The following CSK variants were observed in gnomAD, a reference collection of about 807,000 sequenced individuals.
CSK encodes tyrosine-protein kinase CSK.
In CSK, 7 loss-of-function variants were observed where a neutral mutation model predicts 62.3. The observed-to-expected ratio is 0.11, with a 90% CI of 0.06 to 0.21. CSK has a LOEUF of 0.21. Among genes scored for constraint, CSK ranks in the 10% least tolerant of loss-of-function variants. The pLI is 1.00. For missense variants in CSK, 294 were observed against 613.5 expected (o/e 0.48, Z 5.50); for synonymous variants, 237 against 246.0 (o/e 0.96, Z 0.34).
intron 1 of CSK, among the ~76,000 whole-genome samples, chr15:74,797,583 G>A (rs2063726459): frequency 6.6e-6 from 1 of 152,188 alleles, no homozygotes; most frequent in South Asian, 2.1e-4. Context: ...TTGTGTTGGA[G>A]TTTATTTAAT....
intron 1 of CSK, among the ~76,000 whole-genome samples, chr15:74,796,679 A>G (rs909116184): frequency 3.3e-5 from 5 of 152,078 alleles, no homozygotes; most frequent in South Asian, 2.1e-4. Context: ...TCAAGTGTGC[A>G]CTATACACCA....
intron 5 of CSK, 103 bp from the exon 6 acceptor site, chr15:74,800,309 C>G: frequency 4.1e-6 from 4 of 975,688 alleles, no homozygotes; most frequent in Non-Finnish European, 6.4e-6. Flanking sequence ...TGACTCCAGG[C>G]TAGGCGGGGC....
rs772888660 is a variant in CSK at position 74,800,477 on chromosome 15, A to G, written c.528A>G (p.Thr176=). Residue 176 remains threonine, a synonymous_variant, in exon 6 of 13, where the codon ACA becomes ACG. Coordinates refer to ENST00000220003, the MANE Select transcript of CSK (RefSeq NM_004383.3). ...TTAAACCAAAGGTCATGGAGGGCAC[A>G]GTGGCGGCCCAGGATGAGTTCTACC... ...RLIKPKVMEG[T]VAAQDEFYRS... is the part of the protein sequence containing the mutation. 9.9e-6 allele frequency: 16 copies of G among 1,613,978 alleles called. No homozygotes were observed. The East Asian group carries it at 1.6e-4, about 16-fold the overall frequency.
chr15:74,802,204 G>T, intron 12 of CSK, 121 bp downstream of exon 12: 1 of 1,393,146 alleles, frequency 7.2e-7, no homozygotes. Flanking sequence ...CTGCCCTGGG[G>T]AGCTCACAGG....
chr15:74,789,086 T>C (rs551138349), intron 1 of CSK, among the ~76,000 whole-genome samples: 1 of 152,282 alleles, frequency 6.6e-6, no homozygotes, highest in East Asian at 1.9e-4. Context: ...CCCAAACCAC[T>C]AGACGGGATT....
chr15:74,786,013 T>TTTTTTTTTTTTTTC, intron 1 of CSK, among the ~76,000 whole-genome samples: 1 of 47,816 alleles, frequency 2.1e-5, no homozygotes, highest in East Asian at 4.3e-4. Flanking sequence ...TTTTTTTTTT[T>TTTTTTTTTTTTTTC]TGTGTGTGTG....
intron 1 of CSK, among the ~76,000 whole-genome samples, chr15:74,785,993 T>C (rs2063510442): frequency 1.2e-5 from 1 of 85,302 alleles, no homozygotes; most frequent in Non-Finnish European, 3.0e-5. Flanking sequence ...CTTCTCTCTC[T>C]CTCTCTCTCT....
chr15:74,784,126 T>C (rs2063481010), intron 1 of CSK, among the ~76,000 whole-genome samples: 1 of 152,228 alleles, frequency 6.6e-6, no homozygotes, highest in South Asian at 2.1e-4. Context: ...GGCATTGCCC[T>C]GGTGGGTGCT....
At chr15:74,786,002 C>CTTTTTTTTT (rs536939856) in intron 1 of CSK, among the ~76,000 whole-genome samples, 1,395 of 73,292 alleles carry the variant, frequency 0.019, 195 homozygotes, top group South Asian at 0.17. Flanking sequence ...CTCTCTCTCT[C>CTTTTTTTTT]TTTTTTTTTT....
chr15:74,799,069 C>T (rs1020690196), intron 4 of CSK, 131 bp downstream of exon 4: 26 of 991,604 alleles, frequency 2.6e-5, no homozygotes, highest in Non-Finnish European at 3.5e-5. Flanking sequence ...GTGCAGGGTG[C>T]GGGTGCGGGA....
Position 74,798,319 on chromosome 15 carries a change from C to G in CSK, c.15+7C>G. The stretch of plus-strand genomic sequence containing the variant: ...GAAGATGTCAGCAATACAGGTACCA[C>G]AGGGGTGAGGGTCTGGGACATGCAA... On this transcript the variant is annotated splice_region_variant and intron_variant, in intron 2 of 12. Transcript: ENST00000220003. This position sits in a 1 kb window ranked among gnomAD's most constrained non-coding sequence, Gnocchi z 6.6. The G allele has an allele frequency of 6.3e-7, 1 of 1,586,226 alleles. No individual in the cohort carries two copies. The highest frequency in any genetic ancestry group is 2.2e-5 in the East Asian group (1 of 44,570).
rs34009660 is a variant in CSK at position 74,801,007 on chromosome 15, C to T, written c.723-5C>T. 9.1e-3 allele frequency: 14,700 copies of T among 1,613,140 alleles called. 1,216 individuals are homozygous for T. The African/African-American group carries it at 0.18, about 19-fold the overall frequency. On this transcript the variant is annotated splice_region_variant and splice_polypyrimidine_tract_variant and intron_variant, in intron 8 of 12. Coordinates refer to ENST00000220003, the MANE Select transcript of CSK (RefSeq NM_004383.3). ...CCCTTTCTGACCACTCTCGTCCTGCCCCAGGCAACTGCGGCATAGCAACCT... is the reference window on the plus strand; with the variant it reads ...CCCTTTCTGACCACTCTCGTCCTGCTCCAGGCAACTGCGGCATAGCAACCT...
chr15:74,783,552 T>A (rs2141766588), intron 1 of CSK, among the ~76,000 whole-genome samples: 1 of 152,296 alleles, frequency 6.6e-6, no homozygotes, highest in Admixed American at 6.5e-5. Flanking sequence ...TCCCCAGCTA[T>A]ACAGGGCTGG....
At position 74,799,498 on chromosome 15, in the gene CSK, T is replaced by G. The variant is rs1361075764; in HGVS notation, c.462+7T>G. The G allele has an allele frequency of 8.1e-6, 13 of 1,611,236 alleles. No individual in the cohort carries two copies. The highest frequency in any genetic ancestry group is 6.7e-5 in the Admixed American group (4 of 59,714). ...CCTCATGCAGCTGGTGGAGGTGAGC[T>G]GGGGGGTACAGAGCCTTGCTCCCAC... On this transcript the variant is annotated splice_region_variant and intron_variant, in intron 5 of 12. Transcript: ENST00000220003.
chr15:74,784,016 C>T (rs550133639), intron 1 of CSK, among the ~76,000 whole-genome samples: 4 of 152,176 alleles, frequency 2.6e-5, no homozygotes, highest in African/African-American at 2.4e-5. Flanking sequence ...AGTACCCTGG[C>T]GGTTCCAGTG....
In CSK at chr15:74,798,747, C is replaced by G; in HGVS notation, c.129+19C>G. On this transcript the variant is annotated intron_variant, in intron 3 of 12. Coordinates refer to ENST00000220003, the MANE Select transcript of CSK (RefSeq NM_004383.3). The surrounding 1 kb of genome is among the most constrained non-coding windows in gnomAD (Gnocchi z 6.6). ...CACCAAGGTAATCAGGTGACGCCCA[C>G]CCCACCATCCCACTGCTGGGCCTTC... 2 of 1,610,396 alleles carry G rather than the reference C, an allele frequency of 1.2e-6. No individual in the cohort carries two copies. The highest frequency in any genetic ancestry group is 1.7e-6 in the Non-Finnish European group (2 of 1,177,338).
chr15:74,801,459 T>G, intron 9 of CSK, 63 bp from the exon 10 acceptor site: 1 of 1,518,690 alleles, frequency 6.6e-7, no homozygotes, highest in Non-Finnish European at 9.0e-7. Context: ...GGCCCCAGCG[T>G]GCTGTGTGAG....
At chr15:74,785,538 T>C (rs1044451919) in intron 1 of CSK, among the ~76,000 whole-genome samples, 1 of 152,160 alleles carries the variant, frequency 6.6e-6, no homozygotes, top group Non-Finnish European at 1.5e-5. Context: ...CTCGTTGATA[T>C]AAATAACAGG....
At chr15:74,788,047 G>C (rs1055108565) in intron 1 of CSK, among the ~76,000 whole-genome samples, 4 of 152,230 alleles carry the variant, frequency 2.6e-5, no homozygotes, top group African/African-American at 9.6e-5. Flanking sequence ...CTGGGGCTCT[G>C]CGTGGGCTGG....
Sources: allele counts gnomAD v4.1 joint callset (sites outside exome capture counted in the v4.1 genomes callset), GRCh38; gene constraint gnomAD v4.1.1; non-coding constraint Gnocchi (gnomAD v3.1); transcripts MANE v1.5; gene names NCBI Gene and HGNC (gene_info 2026-07-23, HGNC 2026-07-21).